The following TBCEL variants were observed in gnomAD, a reference collection of about 807,000 sequenced individuals.
TBCEL encodes tubulin-specific chaperone cofactor E-like protein.
A neutral mutation model predicts 44.2 loss-of-function variants in TBCEL; 15 were observed. The ratio of observed to expected loss-of-function variants is 0.34; its 90% CI spans 0.23 to 0.52. The LOEUF (loss-of-function observed/expected upper bound fraction) is 0.52, where lower values mean the gene tolerates loss of function less well. Among genes scored for constraint, TBCEL ranks in the 20% least tolerant of loss-of-function variants. The pLI, the probability that TBCEL is intolerant of heterozygous loss-of-function variation, is 0.95. For missense variants in TBCEL, 319 were observed against 506.3 expected, an observed-to-expected ratio of 0.63 and a Z score of 3.55; for synonymous variants, 171 against 185.4, an observed-to-expected ratio of 0.92 and a Z score of 0.63.
At chr11:121,076,317 G>A (rs773712901) in intron 8 of TBCEL, among the ~76,000 whole-genome samples, 30 of 151,892 alleles carry the variant, frequency 2.0e-4, no homozygotes, top group Non-Finnish European at 4.1e-4. Flanking sequence ...CATGAACCCA[G>A]TATCTCTTTC....
rs1256110895 is a variant in TBCEL at position 121,087,103 on chromosome 11, C to A, written c.*7C>A. 37 of 1,606,364 alleles carry A rather than the reference C, an allele frequency of 2.3e-5. No individual in the cohort carries two copies. Among genetic ancestry groups the A allele is most frequent in the Non-Finnish European group, 3.1e-5 (36 of 1,177,056 alleles). On this transcript the variant is annotated 3_prime_UTR_variant, in exon 9 of 9. Coordinates refer to ENST00000683345, the MANE Select transcript of TBCEL (RefSeq NM_001363644.2). ...GGAATCCAAAACAAAATAACCTCTA[C>A]CAGCCTTGTGAAAAACATACACATA...
rs1357241159 is a variant in TBCEL, at chr11:121,090,133, A to G, written c.*3037A>G. 2 of 152,220 alleles carry G rather than the reference A, an allele frequency of 1.3e-5. No individual in the cohort carries two copies. Among genetic ancestry groups the G allele is most frequent in the Non-Finnish European group, 2.9e-5 (2 of 68,038 alleles). 9.4% of individuals were successfully genotyped at this position (152,220 alleles called of 1,614,324 possible). On this transcript the variant is annotated 3_prime_UTR_variant, in exon 9 of 9. Transcript: ENST00000683345. ...TAGTTATTAAGACTTCTCAGTTAAT[A>G]TTAAGGCCAAAATATAACTTGAGCT...
At chr11:121,086,715 G>T in intron 8 of TBCEL, 63 bp from the exon 9 acceptor site, 1 of 1,244,110 alleles carries the variant, frequency 8.0e-7, no homozygotes, top group Non-Finnish European at 1.1e-6. Flanking sequence ...CTGTAGTTGG[G>T]AAGAAGTCCA....
chr11:121,067,626 C>A (rs1945844198), intron 8 of TBCEL, among the ~76,000 whole-genome samples: 1 of 152,132 alleles, frequency 6.6e-6, no homozygotes, highest in Admixed American at 6.6e-5. Context: ...TCAATGGACT[C>A]TTTTCTTTTA....
intron 2 of TBCEL, among the ~76,000 whole-genome samples, chr11:121,039,437 G>T (rs1945292961): frequency 6.6e-6 from 1 of 152,114 alleles, no homozygotes; most frequent in African/African-American, 2.4e-5. Context: ...ATGCCCTGAG[G>T]GCAGAGTTTG....
intron 1 of TBCEL, among the ~76,000 whole-genome samples, chr11:121,033,580 C>T (rs1945179777): frequency 6.6e-6 from 1 of 152,086 alleles, no homozygotes; most frequent in Non-Finnish European, 1.5e-5. Flanking sequence ...AATGGTAGAC[C>T]TCACCTATAT....
At chr11:121,025,207 G>T (rs1238559519) in intron 1 of TBCEL, among the ~76,000 whole-genome samples, 5 of 152,192 alleles carry the variant, frequency 3.3e-5, no homozygotes, top group Non-Finnish European at 5.9e-5. Flanking sequence ...AGAGAAGTTG[G>T]TAATGCTTTC....
chr11:121,041,252 T>C (rs192750470), intron 2 of TBCEL, among the ~76,000 whole-genome samples: 95 of 152,318 alleles, frequency 6.2e-4, no homozygotes, highest in African/African-American at 2.3e-3. Flanking sequence ...AAGTACAAAT[T>C]GTTTGCGTAC....
At chr11:121,052,358 T>C (rs1945543685) in intron 4 of TBCEL, among the ~76,000 whole-genome samples, 2 of 151,820 alleles carry the variant, frequency 1.3e-5, no homozygotes, top group Non-Finnish European at 2.9e-5. Flanking sequence ...GTATCTCATT[T>C]AATCCTACCA....
intron 8 of TBCEL, among the ~76,000 whole-genome samples, chr11:121,080,410 A>T (rs543908125): frequency 6.6e-6 from 1 of 152,148 alleles, no homozygotes; most frequent in South Asian, 2.1e-4. Flanking sequence ...TGGGATATTT[A>T]TGATCCCATT....
intron 1 of TBCEL, among the ~76,000 whole-genome samples, chr11:121,025,092 T>C (rs761726541): frequency 1.3e-5 from 2 of 152,096 alleles, no homozygotes; most frequent in Non-Finnish European, 2.9e-5. Flanking sequence ...TTGAGGAAAG[T>C]TGGTTGGAAG....
chr11:121,079,421 A>G (rs1248674519), intron 8 of TBCEL, among the ~76,000 whole-genome samples: 1 of 152,214 alleles, frequency 6.6e-6, no homozygotes, highest in African/African-American at 2.4e-5. Flanking sequence ...CAAACCACTA[A>G]GATGATGAAA....
At chr11:121,063,077 T>C (rs75012250) in intron 8 of TBCEL, among the ~76,000 whole-genome samples, 2,052 of 152,266 alleles carry the variant, frequency 0.013, 39 homozygotes, top group African/African-American at 0.047. Flanking sequence ...CTAATGGGAT[T>C]TCTCACTCGC....
chr11:121,045,645 T>C, intron 2 of TBCEL, 29 bp from the exon 3 acceptor site: 1 of 1,521,654 alleles, frequency 6.6e-7, no homozygotes, highest in Non-Finnish European at 8.8e-7. Context: ...CATAATTACA[T>C]AATTTGATTA....
At chr11:121,033,490 C>T (rs1358052670) in intron 1 of TBCEL, among the ~76,000 whole-genome samples, 1 of 152,072 alleles carries the variant, frequency 6.6e-6, no homozygotes, top group Non-Finnish European at 1.5e-5. Flanking sequence ...TTGAGACTTG[C>T]CTGTTTTATC....
intron 8 of TBCEL, among the ~76,000 whole-genome samples, chr11:121,072,790 C>G (rs752160271): frequency 6.6e-5 from 10 of 151,938 alleles, no homozygotes; most frequent in Admixed American, 2.6e-4. Context: ...CCTGTTTTCC[C>G]CCAAAGTTCA....
chr11:121,048,704 AC>A (rs1284582378), intron 4 of TBCEL, among the ~76,000 whole-genome samples: 16 of 151,870 alleles, frequency 1.1e-4, no homozygotes, highest in Admixed American at 4.6e-4. Flanking sequence ...TTGCCTAGAA[AC>A]TAAAGTCTGA....
intron 8 of TBCEL, among the ~76,000 whole-genome samples, chr11:121,070,530 A>G (rs1295984303): frequency 6.6e-6 from 1 of 152,234 alleles, no homozygotes; most frequent in African/African-American, 2.4e-5. Flanking sequence ...GCCATAAAAA[A>G]GGATGAGTTC....
intron 4 of TBCEL, among the ~76,000 whole-genome samples, chr11:121,048,467 TGAA>T (rs982090758): frequency 2.6e-5 from 4 of 151,896 alleles, no homozygotes; most frequent in Non-Finnish European, 4.4e-5. Context: ...GGAGCTACCC[TGAA>T]GAAGAAGGTT....
Sources: allele counts gnomAD v4.1 joint callset (sites outside exome capture counted in the v4.1 genomes callset), GRCh38; gene constraint gnomAD v4.1.1; transcripts MANE v1.5; gene names NCBI Gene and HGNC (gene_info 2026-07-23, HGNC 2026-07-21).